Variants in MX1 observed in about 807,000 individuals in gnomAD.
MX1 encodes MX dynamin like GTPase 1.
MX1 carries 66 observed loss-of-function variants against 66.4 expected under a neutral mutation model. The ratio of observed to expected loss-of-function variants is 0.99; its 90% confidence interval spans 0.82 to 1.22. The LOEUF (loss-of-function observed/expected upper bound fraction) is 1.22. MX1 is among the 50% of genes most tolerant of loss of function. The pLI is 0.00. For missense variants in MX1, 787 were observed against 834.3 expected, an observed-to-expected ratio of 0.94 and a Z score of 0.70; for synonymous variants, 311 against 318.1, an observed-to-expected ratio of 0.98 and a Z score of 0.24.
At position 41,443,846 on chromosome 21, in the gene MX1, G is replaced by A. The variant is rs745868309; in HGVS notation, c.988G>A (p.Glu330Lys). Residue 330 changes from glutamate (E) to lysine (K), a missense_variant, in exon 11 of 17, where the codon GAG becomes AAG. By Grantham distance (56) the Glu-to-Lys change is moderately conservative. Transcript: ENST00000398598. ...CTGCCTGGCAGAAAAACTTACCAGC[G>A]AGCTCATCACACATATCTGTGTAAG... ...VPCLAEKLTS[E>K]LITHICKSLP... 6.2e-6 allele frequency: 10 copies of A among 1,614,124 alleles called. No individual in the cohort carries two copies. The African/African-American group carries it at 6.7e-5, about 11-fold the overall frequency.
rs530090894 is a variant in MX1 at position 41,427,780 on chromosome 21, G to C, written c.-184G>C. The C allele has an allele frequency of 6.6e-6, 1 of 152,366 alleles. No individual in the cohort carries two copies. The highest frequency in any genetic ancestry group is 2.1e-4 in the South Asian group (1 of 4,824). The allele number at this position is 152,366 out of a possible 1,614,324, so 9.4% of individuals were successfully genotyped here. On this transcript the variant is annotated 5_prime_UTR_variant, in exon 3 of 17. Coordinates refer to ENST00000398598, the MANE Select transcript of MX1 (RefSeq NM_002462.5). ...GAATTCTGTGGCCACACTGCGAGGA[G>C]ATCGGTTCTGGGTCGGAGGCTACAG...
intron 11 of MX1, among the ~76,000 whole-genome samples, chr21:41,444,167 T>C (rs538306205): frequency 5.3e-5 from 8 of 152,254 alleles, no homozygotes; most frequent in African/African-American, 1.9e-4. Flanking sequence ...TCCTTTCTCA[T>C]TGACAACCAC....
intron 16 of MX1, among the ~76,000 whole-genome samples, chr21:41,453,097 G>A (rs1343155853): frequency 1.3e-5 from 2 of 152,178 alleles, no homozygotes; most frequent in Non-Finnish European, 2.9e-5. Flanking sequence ...CCACATGGCT[G>A]GGGAGGCCTT....
chr21:41,457,007 G>A lies in MX1; in HGVS notation c.1759-1521G>A, dbSNP rs537582105. Reference sequence around the variant, plus strand: ...GAACGCCTGACCATGTGATCCATCCGCCTCAGTCTACCAAAGTGCTGGGTT... The same window carrying A: ...GAACGCCTGACCATGTGATCCATCCACCTCAGTCTACCAAAGTGCTGGGTT... On this transcript the variant is annotated intron_variant, in intron 16 of 16. Coordinates refer to ENST00000398598, the MANE Select transcript of MX1 (RefSeq NM_002462.5). Among the ~76,000 whole-genome samples, 11 of 152,286 alleles carry A rather than the reference G, an allele frequency of 7.2e-5. No individual in the cohort carries two copies. In the South Asian group the frequency reaches 8.3e-4, roughly 11 times the overall value.
At chr21:41,431,459 T>C (rs2090209057) in intron 4 of MX1, among the ~76,000 whole-genome samples, 1 of 150,454 alleles carries the variant, frequency 6.6e-6, no homozygotes, top group South Asian at 2.1e-4. Flanking sequence ...AGAAAATATT[T>C]TGGGGAACAG....
In MX1 at chr21:41,441,231, G is replaced by A; in HGVS notation, c.730+206G>A. 1.4e-6 allele frequency: 1 copy of A among 699,020 alleles called. No individual in the cohort carries two copies. The highest frequency in any genetic ancestry group is 2.3e-6 in the Non-Finnish European group (1 of 441,304). The allele number at this position is 699,020 out of a possible 1,614,324, so 43.3% of individuals were successfully genotyped here. ...CATGGGCTTTGCTCAGTGGGGACCT[G>A]CCTCCACTAAGACCTGCTAAGGGAG... On this transcript the variant is annotated intron_variant, in intron 9 of 16. Transcript: ENST00000398598. This position sits in a 1 kb window ranked among gnomAD's most constrained non-coding sequence, Gnocchi z 4.0.
In MX1 at chr21:41,452,873, C is replaced by G; in HGVS notation, c.1758+4C>G. 2.5e-6 allele frequency: 4 copies of G among 1,613,274 alleles called. No individual in the cohort carries two copies. Among genetic ancestry groups the G allele is most frequent in the Non-Finnish European group, 3.4e-6 (4 of 1,179,576 alleles). ...GCACCTGATGGCCTATCACCAGGTA[C>G]GTCTTCGCGTGGTTCAGGATGCCAG... On this transcript the variant is annotated splice_donor_region_variant and intron_variant, in intron 16 of 16. Coordinates refer to ENST00000398598, the MANE Select transcript of MX1 (RefSeq NM_002462.5).
chr21:41,446,956 G>A (rs1413892027), intron 13 of MX1, among the ~76,000 whole-genome samples: 1 of 152,198 alleles, frequency 6.6e-6, no homozygotes, highest in Non-Finnish European at 1.5e-5. Context: ...CTAAAGCCAT[G>A]TTTGCTCTCT....
intron 7 of MX1, among the ~76,000 whole-genome samples, chr21:41,438,902 G>A (rs916420218): frequency 6.6e-6 from 1 of 152,042 alleles, no homozygotes; most frequent in Non-Finnish European, 1.5e-5. Context: ...AGGCCCCCCC[G>A]TGACTTAGTC....
At chr21:41,442,516 G>A (rs531115162) in intron 10 of MX1, 1 of 152,660 alleles carries the variant, frequency 6.6e-6, no homozygotes, top group South Asian at 2.1e-4. Flanking sequence ...TACCAAAAGT[G>A]ACATTTTTTA....
intron 5 of MX1, among the ~76,000 whole-genome samples, chr21:41,432,427 T>C (rs1308617119): frequency 3.3e-5 from 5 of 152,250 alleles, no homozygotes; most frequent in Non-Finnish European, 7.3e-5. Context: ...TCAGCTCATC[T>C]ATACTAGAAG....
intron 16 of MX1, among the ~76,000 whole-genome samples, chr21:41,458,252 A>C (rs769014477): frequency 2.6e-5 from 4 of 152,176 alleles, no homozygotes; most frequent in Non-Finnish European, 5.9e-5. Context: ...TTTATAGAGC[A>C]TATTTTGCCC....
chr21:41,439,020 C>T (rs1261692365), intron 7 of MX1, among the ~76,000 whole-genome samples: 1 of 152,022 alleles, frequency 6.6e-6, no homozygotes, highest in Non-Finnish European at 1.5e-5. Flanking sequence ...GCCCATTGGC[C>T]AGAACCCGAT....
At chr21:41,439,637 T>A in intron 7 of MX1, 57 bp from the exon 8 acceptor site, 3 of 1,514,624 alleles carry the variant, frequency 2.0e-6, no homozygotes, top group Non-Finnish European at 2.7e-6. Flanking sequence ...TTCACCATCA[T>A]GAGATCCGTT....
chr21:41,442,041 G>A (rs1009959342), intron 10 of MX1, 127 bp downstream of exon 10: 46 of 813,766 alleles, frequency 5.7e-5, no homozygotes, highest in Middle Eastern at 3.1e-4. Flanking sequence ...GTGTGTGTGC[G>A]CGTGTGTGTG....
rs375454579 is a variant in MX1, at chr21:41,458,589, C to G, written c.1820C>G (p.Thr607Arg). The change falls in exon 17 of 17, where the codon ACG (threonine) becomes AGG (arginine). Residue 607 changes from threonine (T) to arginine (R), a missense_variant. Transcript: ENST00000398598. Reference sequence around the variant, plus strand: ...ATCATCCAGTTCTTCATGCTCCAGACGTACGGCCAGCAGCTTCAGAAGGCC... The same window carrying G: ...ATCATCCAGTTCTTCATGCTCCAGAGGTACGGCCAGCAGCTTCAGAAGGCC... ...PLIIQFFMLQ[T>R]YGQQLQKAML... 9 of 1,614,148 alleles carry G rather than the reference C, an allele frequency of 5.6e-6. No homozygotes were observed. Among genetic ancestry groups the G allele is most frequent in the Middle Eastern group, 1.6e-4 (1 of 6,084 alleles).
At chr21:41,446,526 A>G (rs548189006) in intron 13 of MX1, among the ~76,000 whole-genome samples, 1 of 152,358 alleles carries the variant, frequency 6.6e-6, no homozygotes, top group Non-Finnish European at 1.5e-5. Context: ...ATGTAATAGC[A>G]TTAGGCCTAA....
chr21:41,441,057 G>C lies in MX1; in HGVS notation c.730+32G>C. 1 of 1,523,116 alleles carries C rather than the reference G, an allele frequency of 6.6e-7. No individual in the cohort carries two copies. The highest frequency in any genetic ancestry group is 1.2e-5 in the South Asian group (1 of 85,520). 94.4% of individuals were successfully genotyped at this position (1,523,116 alleles called of 1,614,324 possible). On this transcript the variant is annotated intron_variant, in intron 9 of 16. Transcript: ENST00000398598. The surrounding 1 kb of genome is among the most constrained non-coding windows in gnomAD (Gnocchi z 4.0). The stretch of plus-strand genomic sequence containing the variant: ...GTGGGGGAGCCCCACTGTGCTCAGT[G>C]AGAATGGGGGAGCCCGCCTGTGCTC...
chr21:41,440,454 G>A (rs1314139626), intron 8 of MX1, among the ~76,000 whole-genome samples: 2 of 152,156 alleles, frequency 1.3e-5, no homozygotes, highest in African/African-American at 2.4e-5. Flanking sequence ...ACTCCAGCCT[G>A]GGCAACAGAG....
Sources: gnomAD v4.1 joint callset for allele counts (sites outside exome capture counted in the v4.1 genomes callset) on GRCh38, gnomAD v4.1.1 for gene constraint, Gnocchi (gnomAD v3.1) non-coding constraint, MANE v1.5 for transcripts, NCBI Gene and HGNC (gene_info 2026-07-23, HGNC 2026-07-21) for gene names.